CAMTA1: variants seen among roughly 807,000 people sequenced by gnomAD.
CAMTA1 encodes the protein calmodulin-binding transcription activator 1.
A neutral mutation model predicts 170.9 loss-of-function variants in CAMTA1; 27 were observed. The ratio of observed to expected loss-of-function variants is 0.16; its 90% CI spans 0.12 to 0.22. CAMTA1 has a LOEUF of 0.22. Among genes scored for constraint, CAMTA1 ranks in the 10% least tolerant of loss-of-function variants. CAMTA1 has a pLI of 1.00. For synonymous variants in CAMTA1, 833 were observed against 891.5 expected (o/e 0.93, Z 1.17); for missense variants, 1,619 against 2,217.2 (o/e 0.73, Z 5.42).
chr1:7,208,822 A>T (rs1658232240), intron 4 of CAMTA1, among the ~76,000 whole-genome samples: 1 of 152,176 alleles, frequency 6.6e-6, no homozygotes. Context: ...GACCAGCTTG[A>T]TGATATGTGT....
rs148719836 is a variant in CAMTA1 at position 6,987,158 on chromosome 1, A to G, written c.235-104146A>G. 5.5e-3 allele frequency among the ~76,000 whole-genome samples: 740 copies of G among 135,482 alleles called. 10 individuals carry two copies. The highest frequency in any genetic ancestry group is 0.02 in the African/African-American group (691 of 34,438). 88.9% of individuals were successfully genotyped at this position (135,482 alleles called of 152,430 possible). ...AACTAATGCCAGGGCCCACCCTCAG[A>G]GACTGTTTTGTTTTTTTTTTTTGAG... On this transcript the variant is annotated intron_variant, in intron 3 of 22. Coordinates refer to ENST00000303635, the MANE Select transcript of CAMTA1 (RefSeq NM_015215.4).
At chr1:7,021,657 A>G (rs1210615227) in intron 3 of CAMTA1, among the ~76,000 whole-genome samples, 1 of 152,228 alleles carries the variant, frequency 6.6e-6, no homozygotes, top group East Asian at 1.9e-4. Flanking sequence ...AGGCATGCGC[A>G]TGTGTCAAAA....
chr1:6,945,357 A>T (rs924718767), intron 3 of CAMTA1, among the ~76,000 whole-genome samples: 1 of 151,506 alleles, frequency 6.6e-6, no homozygotes, highest in African/African-American at 2.4e-5. Flanking sequence ...TTTTTAACTA[A>T]TTTTTTTTGT....
At chr1:6,893,803 A>G (rs1363556385) in intron 3 of CAMTA1, among the ~76,000 whole-genome samples, 1 of 152,166 alleles carries the variant, frequency 6.6e-6, no homozygotes, top group Non-Finnish European at 1.5e-5. Context: ...GCTAATTTGT[A>G]TCTTACTGAC....
chr1:7,279,010 A>G (rs528220000), intron 5 of CAMTA1, among the ~76,000 whole-genome samples: 1 of 151,764 alleles, frequency 6.6e-6, no homozygotes, highest in South Asian at 2.1e-4. Context: ...AGGGGAAGGC[A>G]TTTGGTGGGG....
chr1:7,074,436 G>T (rs190798875), intron 3 of CAMTA1, among the ~76,000 whole-genome samples: 1 of 152,272 alleles, frequency 6.6e-6, no homozygotes, highest in Admixed American at 6.5e-5. Context: ...AAAATATGCA[G>T]AAAAGAAATT....
rs1237427547 is a variant in CAMTA1 at position 7,224,167 on chromosome 1, G to A, written c.303-25324G>A. 2.6e-5 allele frequency among the ~76,000 whole-genome samples: 4 copies of A among 152,190 alleles called. No individual in the cohort carries two copies. Among genetic ancestry groups the A allele is most frequent in the Admixed American group, 6.5e-5 (1 of 15,282 alleles). ...GCTCAAGCCATCCTGGACCTCACCC[G>A]ATGGGAGGGAGAATGATGCTCTGCC... On this transcript the variant is annotated intron_variant, in intron 4 of 22. Transcript: ENST00000303635. The surrounding 1 kb of genome is among the most constrained non-coding windows in gnomAD (Gnocchi z 5.2).
chr1:7,651,233 G>A (rs778980701), intron 7 of CAMTA1, among the ~76,000 whole-genome samples: 14 of 152,186 alleles, frequency 9.2e-5, no homozygotes, highest in Non-Finnish European at 1.5e-4. Context: ...TAGGTGGGTG[G>A]ACTGGACGAG....
chr1:6,901,952 G>A (rs987057829), intron 3 of CAMTA1, among the ~76,000 whole-genome samples: 5 of 151,314 alleles, frequency 3.3e-5, no homozygotes, highest in Admixed American at 6.6e-5. Context: ...GGCTGAGGCA[G>A]GAGAATAGTT....
At chr1:7,085,407 C>A (rs140485059) in intron 3 of CAMTA1, among the ~76,000 whole-genome samples, 4 of 152,374 alleles carry the variant, frequency 2.6e-5, no homozygotes, top group Admixed American at 6.5e-5. Flanking sequence ...CAGCAGTCAT[C>A]TTCAGACACA....
At chr1:7,327,406 CAAAAAAAA>C (rs34737058) in intron 5 of CAMTA1, among the ~76,000 whole-genome samples, 22 of 87,912 alleles carry the variant, frequency 2.5e-4, no homozygotes, top group African/African-American at 8.8e-4. Flanking sequence ...GACTCCATCT[CAAAAAAAA>C]AAAAAAAAAA....
intron 6 of CAMTA1, among the ~76,000 whole-genome samples, chr1:7,517,835 T>G (rs765156375): frequency 6.6e-6 from 1 of 151,984 alleles, no homozygotes; most frequent in Non-Finnish European, 1.5e-5. Context: ...AGGCAGAGGT[T>G]TGAGCCAAGG....
chr1:7,099,326 C>T (rs1260615744), intron 4 of CAMTA1, among the ~76,000 whole-genome samples: 1 of 152,158 alleles, frequency 6.6e-6, no homozygotes, highest in African/African-American at 2.4e-5. Context: ...GCTGGGATTA[C>T]AGGCATGAGT....
chr1:7,610,974 G>A (rs550399646), intron 6 of CAMTA1, among the ~76,000 whole-genome samples: 1 of 152,354 alleles, frequency 6.6e-6, no homozygotes, highest in African/African-American at 2.4e-5. Flanking sequence ...AAGTGGCCAA[G>A]ACGCAGGCCC....
chr1:7,519,625 T>C (rs2094333548), intron 6 of CAMTA1, among the ~76,000 whole-genome samples: 1 of 151,820 alleles, frequency 6.6e-6, no homozygotes, highest in South Asian at 2.1e-4. Context: ...TGCCAAATCC[T>C]GAAATCTAGC....
chr1:7,583,632 A>G (rs1271659016), intron 6 of CAMTA1, among the ~76,000 whole-genome samples: 1 of 152,040 alleles, frequency 6.6e-6, no homozygotes, highest in Non-Finnish European at 1.5e-5. Flanking sequence ...CACATCCCAG[A>G]GCTTATCCCT....
chr1:7,453,479 A>G (rs1055550514), intron 5 of CAMTA1, among the ~76,000 whole-genome samples: 11 of 152,220 alleles, frequency 7.2e-5, no homozygotes, highest in Non-Finnish European at 1.0e-4. Context: ...GCCTTTCCAC[A>G]GAGAAGGCAG....
intron 7 of CAMTA1, among the ~76,000 whole-genome samples, chr1:7,644,862 C>T (rs1390584741): frequency 6.6e-6 from 1 of 152,192 alleles, no homozygotes; most frequent in East Asian, 1.9e-4. Context: ...CTGAGTAGAG[C>T]TGTGCTTAGC....
intron 5 of CAMTA1, among the ~76,000 whole-genome samples, chr1:7,447,606 C>A (rs976519976): frequency 6.6e-6 from 1 of 152,186 alleles, no homozygotes; most frequent in Admixed American, 6.5e-5. Flanking sequence ...CAGCCCCTAA[C>A]CCTCCCTGGG....
Sources: allele counts gnomAD v4.1 joint callset (sites outside exome capture counted in the v4.1 genomes callset), GRCh38; gene constraint gnomAD v4.1.1; non-coding constraint Gnocchi (gnomAD v3.1); transcripts MANE v1.5; gene names NCBI Gene and HGNC (gene_info 2026-07-23, HGNC 2026-07-21).